RPS6KA2: variants seen among roughly 807,000 people sequenced by gnomAD.
The protein encoded by RPS6KA2 is ribosomal protein S6 kinase A2.
RPS6KA2 carries 42 observed loss-of-function variants against 91.8 expected under a neutral mutation model. The observed-to-expected ratio is 0.46, with a 90% confidence interval of 0.36 to 0.59. The LOEUF (loss-of-function observed/expected upper bound fraction) is 0.59, where lower values mean the gene tolerates loss of function less well. Among genes scored for constraint, RPS6KA2 ranks in the 20% least tolerant of loss-of-function variants. The probability of loss-of-function intolerance (pLI) is 0.00; values close to 1 mark genes in which losing one functional copy is unlikely to be tolerated. For missense variants in RPS6KA2, 798 were observed against 978.5 expected (o/e 0.82, Z 2.46); for synonymous variants, 414 against 393.6 (o/e 1.05, Z -0.61).
chr6:166,497,168 G>A lies in RPS6KA2; in HGVS notation c.747+1340C>T, dbSNP rs78545964. 8.7e-3 allele frequency among the ~76,000 whole-genome samples: 1,330 copies of A among 152,350 alleles called. 17 individuals carry two copies. Among genetic ancestry groups the A allele is most frequent in the African/African-American group, 0.03 (1,254 of 41,580 alleles). ...TGGGGGACTTAGCTCTGTGGTCTCCGCATGGAGAGGACCTGCTCCTTAGCC... is the reference window on the plus strand; with the variant it reads ...TGGGGGACTTAGCTCTGTGGTCTCCACATGGAGAGGACCTGCTCCTTAGCC... On this transcript the variant is annotated intron_variant, in intron 8 of 20. Coordinates refer to ENST00000265678, the MANE Select transcript of RPS6KA2 (RefSeq NM_021135.6).
chr6:166,727,606 C>A (rs1562403894), intron 2 of RPS6KA2, among the ~76,000 whole-genome samples: 2 of 152,116 alleles, frequency 1.3e-5, no homozygotes, highest in African/African-American at 4.8e-5. Context: ...AGCACCGGCA[C>A]TCTAATGTAC....
intron 2 of RPS6KA2, among the ~76,000 whole-genome samples, chr6:166,677,110 T>G (rs1048879650): frequency 2.0e-5 from 3 of 152,158 alleles, no homozygotes; most frequent in East Asian, 3.8e-4. Context: ...TTTTGAAAAT[T>G]TATAACCTTC....
At chr6:166,417,644 CACACACA>C in intron 19 of RPS6KA2, among the ~76,000 whole-genome samples, 1 of 152,088 alleles carries the variant, frequency 6.6e-6, no homozygotes, top group Non-Finnish European at 1.5e-5. Context: ...CACACACACA[CACACACA>C]CGCACGCATG....
Position 166,508,730 on chromosome 6 carries a change from A to C in RPS6KA2, c.380-448T>G, listed in dbSNP as rs1460074398. 2.0e-5 allele frequency among the ~76,000 whole-genome samples: 3 copies of C among 152,198 alleles called. No individual in the cohort carries two copies. Among genetic ancestry groups the C allele is most frequent in the Non-Finnish European group, 2.9e-5 (2 of 68,036 alleles). ...TCTTACAGAACTCCACTCTGGTACC[A>C]GGGAGCCCCCCGCTTGCCTTCCTCT... On this transcript the variant is annotated intron_variant, in intron 4 of 20. Transcript: ENST00000265678. The surrounding 1 kb of genome is among the most constrained non-coding windows in gnomAD (Gnocchi z 4.3).
intron 2 of RPS6KA2, among the ~76,000 whole-genome samples, chr6:166,634,407 CCT>C (rs779336049): frequency 2.6e-5 from 4 of 152,114 alleles, no homozygotes; most frequent in Non-Finnish European, 4.4e-5. Flanking sequence ...CTGAGTTGCT[CCT>C]CCCCCTTCCT....
chr6:166,484,442 A>G (rs1185413015), intron 10 of RPS6KA2, among the ~76,000 whole-genome samples: 1 of 152,146 alleles, frequency 6.6e-6, no homozygotes, highest in Non-Finnish European at 1.5e-5. Flanking sequence ...ACGGTGCCAT[A>G]TGTCACGAGT....
intron 2 of RPS6KA2, among the ~76,000 whole-genome samples, chr6:166,806,804 A>T (rs1186640336): frequency 7.1e-6 from 1 of 139,888 alleles, no homozygotes; most frequent in Admixed American, 7.2e-5. Flanking sequence ...CATTAAAAAA[A>T]AAATTAGTTT....
intron 15 of RPS6KA2, 63 bp downstream of exon 15, chr6:166,432,338 G>A: frequency 9.3e-7 from 1 of 1,076,248 alleles, no homozygotes; most frequent in Non-Finnish European, 1.4e-6. Context: ...GAGTGAATGG[G>A]AGTTTTGTGT....
At chr6:166,616,271 CAT>C (rs1786408276) in intron 1 of RPS6KA2, among the ~76,000 whole-genome samples, 1 of 152,212 alleles carries the variant, frequency 6.6e-6, no homozygotes, top group Non-Finnish European at 1.5e-5. Context: ...TTGCCAAAGT[CAT>C]ATGAGTGCCA....
intron 1 of RPS6KA2, among the ~76,000 whole-genome samples, chr6:166,567,607 G>C (rs953472153): frequency 6.6e-6 from 1 of 152,194 alleles, no homozygotes; most frequent in Non-Finnish European, 1.5e-5. Flanking sequence ...TTAAAACAGA[G>C]AGTAGTAAAT....
intron 2 of RPS6KA2, among the ~76,000 whole-genome samples, chr6:166,810,048 C>T (rs1296548557): frequency 1.3e-5 from 2 of 152,168 alleles, no homozygotes; most frequent in Non-Finnish European, 2.9e-5. Flanking sequence ...ACAATCATGG[C>T]AGAAGACAAA....
chr6:166,532,781 C>T (rs1246472672), intron 2 of RPS6KA2, among the ~76,000 whole-genome samples: 1 of 152,096 alleles, frequency 6.6e-6, no homozygotes. Context: ...ATAGACTATA[C>T]CATCACCGAC....
chr6:166,520,847 C>T (rs1583234764), intron 3 of RPS6KA2, among the ~76,000 whole-genome samples: 1 of 152,224 alleles, frequency 6.6e-6, no homozygotes, highest in Non-Finnish European at 1.5e-5. Context: ...AAGCCGGCAG[C>T]GATTCTCCAA....
chr6:166,817,599 G>A (rs78212189), intron 2 of RPS6KA2, among the ~76,000 whole-genome samples: 2,603 of 152,142 alleles, frequency 0.017, 82 homozygotes, highest in African/African-American at 0.059. Context: ...TGAAAGAATC[G>A]CACAAGGAGC....
rs1778266687 is a variant in RPS6KA2 at position 166,410,527 on chromosome 6, T to C, written c.*2235A>G. 1 of 152,472 alleles carries C rather than the reference T, an allele frequency of 6.6e-6. No individual in the cohort carries two copies. Among genetic ancestry groups the C allele is most frequent in the Non-Finnish European group, 1.5e-5 (1 of 68,030 alleles). The allele number at this position is 152,472 out of a possible 1,614,324, so 9.4% of individuals were successfully genotyped here. On this transcript the variant is annotated 3_prime_UTR_variant, in exon 21 of 21. Coordinates refer to ENST00000265678, the MANE Select transcript of RPS6KA2 (RefSeq NM_021135.6). ...GCGGAGCAGGGCCAAGCCAGTGTTC[T>C]CCTCCGCTGATGCACATCAAATACA...
chr6:166,824,797 C>CTG (rs763140147), intron 2 of RPS6KA2, among the ~76,000 whole-genome samples: 21 of 134,806 alleles, frequency 1.6e-4, no homozygotes, highest in Middle Eastern at 3.8e-3. Context: ...GTGTGTGTGT[C>CTG]TGTGTGTCTA....
At chr6:166,515,832 T>C (rs559413042) in intron 3 of RPS6KA2, among the ~76,000 whole-genome samples, 38 of 152,302 alleles carry the variant, frequency 2.5e-4, no homozygotes, top group African/African-American at 8.9e-4. Context: ...ACCCCTCTGC[T>C]CACTGAGATA....
Position 166,627,111 on chromosome 6 carries a change from C to G in RPS6KA2, c.-92G>C, listed in dbSNP as rs1287369448. 3 of 1,188,070 alleles carry G rather than the reference C, an allele frequency of 2.5e-6. No homozygotes were observed. The highest frequency in any genetic ancestry group is 3.1e-6 in the Non-Finnish European group (3 of 957,428). The allele number at this position is 1,188,070 out of a possible 1,614,324, so 73.6% of individuals were successfully genotyped here. A position where few individuals can be genotyped will look rare whatever the true frequency, so the allele number is the denominator to read the frequency against. On this transcript the variant is annotated 5_prime_UTR_variant, in exon 1 of 21. Coordinates refer to ENST00000265678, the MANE Select transcript of RPS6KA2 (RefSeq NM_021135.6). ...GGGCTCAGGTCCGCGGGCGGGCACG[C>G]GTGGCCAGGGAGCCCGGCACGGCGG...
chr6:166,527,207 G>T (rs1158328902), intron 3 of RPS6KA2, among the ~76,000 whole-genome samples: 2 of 152,242 alleles, frequency 1.3e-5, no homozygotes, highest in Admixed American at 1.3e-4. Context: ...GGCAGGCACA[G>T]ATTCCAGCTG....
Sources: gnomAD v4.1 joint callset for allele counts (sites outside exome capture counted in the v4.1 genomes callset) on GRCh38, gnomAD v4.1.1 for gene constraint, Gnocchi (gnomAD v3.1) non-coding constraint, MANE v1.5 for transcripts, NCBI Gene and HGNC (gene_info 2026-07-23, HGNC 2026-07-21) for gene names.